Variants in LHFPL2 observed in about 807,000 individuals in gnomAD.
LHFPL2 encodes LHFPL tetraspan subfamily member 2 protein.
In LHFPL2, 7 loss-of-function variants were observed where a neutral mutation model predicts 17.5. The ratio of observed to expected loss-of-function variants is 0.40; its 90% CI spans 0.23 to 0.75. The LOEUF is 0.75. Among genes scored for constraint, LHFPL2 ranks in the 30% least tolerant of loss-of-function variants. The probability of loss-of-function intolerance (pLI) is 0.37; values close to 1 mark genes in which losing one functional copy is unlikely to be tolerated. For missense variants in LHFPL2, 241 were observed against 294.8 expected, an observed-to-expected ratio of 0.82 and a Z score of 1.34; for synonymous variants, 134 against 116.2, an observed-to-expected ratio of 1.15 and a Z score of -0.99.
In LHFPL2 at chr5:78,488,280, T is replaced by G. The variant is rs1438457284; in HGVS notation, c.*617A>C. On this transcript the variant is annotated 3_prime_UTR_variant, in exon 5 of 5. Coordinates refer to ENST00000380345, the MANE Select transcript of LHFPL2 (RefSeq NM_005779.3). Reference sequence around the variant, plus strand: ...TTTCTAAAATCTCTGGAGTGACAGTTCAGTTGATCCACCTTACCCTAGGAT... The same window carrying G: ...TTTCTAAAATCTCTGGAGTGACAGTGCAGTTGATCCACCTTACCCTAGGAT... The G allele has an allele frequency of 6.5e-6, 1 of 153,720 alleles. No homozygotes were observed. Among genetic ancestry groups the G allele is most frequent in the Non-Finnish European group, 1.4e-5 (1 of 69,074 alleles). 9.5% of individuals were successfully genotyped at this position (153,720 alleles called of 1,614,324 possible).
intron 4 of LHFPL2, among the ~76,000 whole-genome samples, chr5:78,492,475 GGTTTTACATCACTTAATAC>G (rs1210304927): frequency 2.6e-5 from 4 of 152,160 alleles, no homozygotes; most frequent in African/African-American, 9.7e-5. Context: ...GAAGCAGGCA[GGTTTTACATCACTTAATAC>G]AATCCTTATT....
intron 4 of LHFPL2, among the ~76,000 whole-genome samples, chr5:78,508,662 G>T (rs1488092798): frequency 6.6e-6 from 1 of 152,202 alleles, no homozygotes; most frequent in African/African-American, 2.4e-5. Flanking sequence ...TCGTTTGGGG[G>T]CTGCTGCTTT....
chr5:78,567,389 G>A (rs370044159), intron 2 of LHFPL2, among the ~76,000 whole-genome samples: 2 of 151,654 alleles, frequency 1.3e-5, no homozygotes, highest in East Asian at 1.9e-4. Context: ...ATGCTATTTC[G>A]AAAATACAGT....
chr5:78,614,218 C>T (rs1410525280), intron 2 of LHFPL2, among the ~76,000 whole-genome samples: 2 of 152,196 alleles, frequency 1.3e-5, no homozygotes, highest in African/African-American at 4.8e-5. Flanking sequence ...CCTCAGCGTC[C>T]AGGGGCAGCC....
intron 3 of LHFPL2, among the ~76,000 whole-genome samples, chr5:78,512,916 G>C (rs1282101772): frequency 6.6e-6 from 1 of 151,940 alleles, no homozygotes; most frequent in Non-Finnish European, 1.5e-5. Flanking sequence ...GACCATGCCT[G>C]GCTAAATTTT....
chr5:78,554,257 T>C (rs536662231), intron 3 of LHFPL2, among the ~76,000 whole-genome samples: 13 of 152,370 alleles, frequency 8.5e-5, no homozygotes, highest in Middle Eastern at 3.4e-3. Context: ...ACCCAGGACT[T>C]CCACCTGAGG....
chr5:78,571,363 A>T (rs1756995472), intron 2 of LHFPL2, among the ~76,000 whole-genome samples: 1 of 151,822 alleles, frequency 6.6e-6, no homozygotes, highest in South Asian at 2.1e-4. Flanking sequence ...TCAAGACCCA[A>T]CTTCAGTGTC....
intron 3 of LHFPL2, among the ~76,000 whole-genome samples, chr5:78,518,972 A>G (rs1755368494): frequency 6.6e-6 from 1 of 152,194 alleles, no homozygotes; most frequent in African/African-American, 2.4e-5. Flanking sequence ...TCATTTCTAT[A>G]AGAGATGCTT....
chr5:78,543,658 C>T (rs954232646), intron 3 of LHFPL2, among the ~76,000 whole-genome samples: 4 of 152,204 alleles, frequency 2.6e-5, no homozygotes, highest in African/African-American at 9.7e-5. Flanking sequence ...CCCACTAGGG[C>T]TGCAGGTCCC....
intron 2 of LHFPL2, among the ~76,000 whole-genome samples, chr5:78,604,046 T>A (rs920974053): frequency 1.6e-4 from 24 of 152,110 alleles, no homozygotes; most frequent in African/African-American, 5.8e-4. Flanking sequence ...TCTAAAAAAT[T>A]AATTAATTTA....
intron 3 of LHFPL2, among the ~76,000 whole-genome samples, chr5:78,534,318 C>T (rs757603573): frequency 5.0e-4 from 76 of 152,164 alleles, no homozygotes; most frequent in Admixed American, 1.6e-3. Flanking sequence ...ACCATGACGC[C>T]GAGAGGGAGA....
intron 1 of LHFPL2, among the ~76,000 whole-genome samples, chr5:78,646,972 C>T (rs1329014140): frequency 6.6e-6 from 1 of 152,202 alleles, no homozygotes; most frequent in African/African-American, 2.4e-5. Flanking sequence ...CTACAACACA[C>T]AATGTCTTTT....
chr5:78,491,189 C>T (rs1412700383), intron 4 of LHFPL2: 1 of 150,630 alleles, frequency 6.6e-6, no homozygotes, highest in Non-Finnish European at 1.5e-5. Context: ...TTGTTCTTCT[C>T]AGATGGCCTC....
chr5:78,546,847 A>G (rs1756291808), intron 3 of LHFPL2, among the ~76,000 whole-genome samples: 2 of 152,216 alleles, frequency 1.3e-5, no homozygotes, highest in Non-Finnish European at 2.9e-5. Context: ...AAATGTAATC[A>G]TTAGTTGCCT....
Position 78,488,113 on chromosome 5 carries a change from G to C in LHFPL2, c.*784C>G, listed in dbSNP as rs776469373. On this transcript the variant is annotated 3_prime_UTR_variant, in exon 5 of 5. Coordinates refer to ENST00000380345, the MANE Select transcript of LHFPL2 (RefSeq NM_005779.3). ...TCCTAACCTTAGAAGAAAAACATGTGATCTCCAGAAGAAGAGGAGACTGGG... is the reference window on the plus strand; with the variant it reads ...TCCTAACCTTAGAAGAAAAACATGTCATCTCCAGAAGAAGAGGAGACTGGG... 3.3e-5 allele frequency: 5 copies of C among 152,210 alleles called. No homozygotes were observed. Among genetic ancestry groups the C allele is most frequent in the Non-Finnish European group, 7.3e-5 (5 of 68,060 alleles). 9.4% of individuals were successfully genotyped at this position (152,210 alleles called of 1,614,324 possible).
chr5:78,523,768 G>A (rs774026094), intron 3 of LHFPL2, among the ~76,000 whole-genome samples: 28 of 152,104 alleles, frequency 1.8e-4, no homozygotes, highest in African/African-American at 6.3e-4. Context: ...AATGTTGCGC[G>A]CTGCAGTTTC....
chr5:78,646,979 T>C (rs13153699), intron 1 of LHFPL2, among the ~76,000 whole-genome samples: 1 of 152,168 alleles, frequency 6.6e-6, no homozygotes, highest in African/African-American at 2.4e-5. Context: ...ACACAATGTC[T>C]TTTTCCTGAT....
intron 2 of LHFPL2, among the ~76,000 whole-genome samples, chr5:78,577,143 A>T (rs1275273293): frequency 6.6e-6 from 1 of 152,238 alleles, no homozygotes; most frequent in African/African-American, 2.4e-5. Context: ...AATATCATAC[A>T]GTGCAAATGA....
intron 2 of LHFPL2, among the ~76,000 whole-genome samples, chr5:78,577,616 T>C (rs547568385): frequency 6.6e-6 from 1 of 152,190 alleles, no homozygotes; most frequent in Non-Finnish European, 1.5e-5. Flanking sequence ...TACTGCACTC[T>C]CCCCAAGCTG....
Sources: allele counts gnomAD v4.1 joint callset (sites outside exome capture counted in the v4.1 genomes callset), GRCh38; gene constraint gnomAD v4.1.1; transcripts MANE v1.5; gene names NCBI Gene and HGNC (gene_info 2026-07-23, HGNC 2026-07-21).